The following GRIA1 variants were observed in gnomAD, a reference collection of about 807,000 sequenced individuals.
GRIA1 encodes the protein glutamate receptor 1.
Under a neutral mutation model 99.2 loss-of-function variants are expected in GRIA1, and 31 were observed. That is an observed-to-expected ratio of 0.31 (90% CI 0.23 to 0.42). The LOEUF is 0.42. GRIA1 is among the 10% of genes least tolerant of loss of function. GRIA1 has a pLI of 1.00. For synonymous variants in GRIA1, 438 were observed against 432.4 expected (o/e 1.01, Z -0.16); for missense variants, 782 against 1,157.5 (o/e 0.68, Z 4.71).
intron 5 of GRIA1, among the ~76,000 whole-genome samples, chr5:153,671,286 C>G (rs530387110): frequency 4.6e-5 from 7 of 152,290 alleles, no homozygotes; most frequent in African/African-American, 1.7e-4. Context: ...TGCCCAGGAC[C>G]TTGTTACAGA....
chr5:153,698,635 A>T (rs1758292269), intron 9 of GRIA1, among the ~76,000 whole-genome samples: 1 of 152,208 alleles, frequency 6.6e-6, no homozygotes, highest in Non-Finnish European at 1.5e-5. Context: ...ATAATTTGAA[A>T]AGCTGTATGC....
intron 11 of GRIA1, among the ~76,000 whole-genome samples, chr5:153,743,917 A>G (rs1481973433): frequency 6.6e-6 from 1 of 152,142 alleles, no homozygotes; most frequent in African/African-American, 2.4e-5. Context: ...TGGAGCACAG[A>G]GGTTAAGGTC....
intron 2 of GRIA1, among the ~76,000 whole-genome samples, chr5:153,601,213 A>G (rs568221212): frequency 2.0e-4 from 31 of 152,308 alleles, no homozygotes; most frequent in African/African-American, 6.3e-4. Context: ...TGTTATCCCC[A>G]TTTTACAAGC....
chr5:153,588,999 G>A (rs893850122), intron 2 of GRIA1, among the ~76,000 whole-genome samples: 3 of 151,942 alleles, frequency 2.0e-5, no homozygotes, highest in Non-Finnish European at 4.4e-5. Context: ...AAGAAATGAA[G>A]TAAAAGAAAG....
chr5:153,730,732 C>A (rs145263295), intron 11 of GRIA1, among the ~76,000 whole-genome samples: 1 of 152,046 alleles, frequency 6.6e-6, no homozygotes, highest in Non-Finnish European at 1.5e-5. Context: ...CGGTAGATAA[C>A]ACATTGTTGC....
At chr5:153,706,266 G>C in intron 11 of GRIA1, 199 bp downstream of exon 11, 1 of 602,052 alleles carries the variant, frequency 1.7e-6, no homozygotes, top group South Asian at 2.0e-5. Flanking sequence ...GGCCATCTCT[G>C]TCTGCTCTCT....
intron 5 of GRIA1, among the ~76,000 whole-genome samples, chr5:153,671,614 A>C (rs190472747): frequency 2.6e-4 from 40 of 152,278 alleles, no homozygotes; most frequent in African/African-American, 9.6e-4. Flanking sequence ...TTTCAACCTG[A>C]ATTTCTCTTT....
At chr5:153,585,551 C>T (rs1466204173) in intron 2 of GRIA1, among the ~76,000 whole-genome samples, 3 of 151,984 alleles carry the variant, frequency 2.0e-5, no homozygotes, top group South Asian at 2.1e-4. Flanking sequence ...TCAGGTGATC[C>T]GCCCTCCTCG....
At chr5:153,707,159 CTCAGATA>C (rs1377258926) in intron 11 of GRIA1, among the ~76,000 whole-genome samples, 1 of 151,898 alleles carries the variant, frequency 6.6e-6, no homozygotes, top group Non-Finnish European at 1.5e-5. Flanking sequence ...TCAGAGGTGC[CTCAGATA>C]TCACATTGAA....
intron 11 of GRIA1, among the ~76,000 whole-genome samples, chr5:153,707,180 A>G (rs561734587): frequency 4.4e-4 from 67 of 152,106 alleles, no homozygotes; most frequent in Non-Finnish European, 8.1e-4. Flanking sequence ...CATTGAAAGC[A>G]CACTCGGGTA....
chr5:153,701,426 AACAC>A (rs1307337229), intron 10 of GRIA1, among the ~76,000 whole-genome samples: 1 of 151,970 alleles, frequency 6.6e-6, no homozygotes, highest in Non-Finnish European at 1.5e-5. Flanking sequence ...CATCCTGGCT[AACAC>A]AGTGAAACCC....
Position 153,688,859 on chromosome 5 carries a change from A to G in GRIA1, c.1134+2530A>G, listed in dbSNP as rs776283424. ...CTCAGCCTCCCGAGTGGTTGGGATTATAGGTGCCCATCACCACACCTGGCT... is the reference window on the plus strand; with the variant it reads ...CTCAGCCTCCCGAGTGGTTGGGATTGTAGGTGCCCATCACCACACCTGGCT... On this transcript the variant is annotated intron_variant, in intron 8 of 15. Transcript: ENST00000285900. Among the ~76,000 whole-genome samples, 57 of 151,936 alleles carry G rather than the reference A, an allele frequency of 3.8e-4. 1 individual carries two copies. Among genetic ancestry groups the G allele is most frequent in the Non-Finnish European group, 8.1e-4 (55 of 67,986 alleles).
intron 2 of GRIA1, among the ~76,000 whole-genome samples, chr5:153,532,898 T>TGGCAA (rs1758214851): frequency 6.6e-6 from 1 of 152,216 alleles, no homozygotes; most frequent in Non-Finnish European, 1.5e-5. Flanking sequence ...CATAGGTGTA[T>TGGCAA]GGCAAGGACT....
At chr5:153,667,361 A>T (rs888782975) in intron 5 of GRIA1, among the ~76,000 whole-genome samples, 1 of 152,212 alleles carries the variant, frequency 6.6e-6, no homozygotes, top group Non-Finnish European at 1.5e-5. Flanking sequence ...AGAATCCCAG[A>T]GCAAAGGAAA....
chr5:153,534,178 T>G (rs1436540865), intron 2 of GRIA1, among the ~76,000 whole-genome samples: 2 of 152,242 alleles, frequency 1.3e-5, no homozygotes, highest in African/African-American at 4.8e-5. Flanking sequence ...ACTCCTTTTT[T>G]CTTTTTTCTG....
intron 2 of GRIA1, among the ~76,000 whole-genome samples, chr5:153,590,506 ATG>A (rs5872325): frequency 0.01 from 1,495 of 147,902 alleles, 22 homozygotes; most frequent in African/African-American, 0.033. Flanking sequence ...AGCTATTGAA[ATG>A]TGTGTGTGTG....
At position 153,650,314 on chromosome 5, in the gene GRIA1, C is replaced by A; in HGVS notation, c.461-16C>A. On this transcript the variant is annotated splice_polypyrimidine_tract_variant and intron_variant, in intron 3 of 15. Coordinates refer to ENST00000285900, the MANE Select transcript of GRIA1 (RefSeq NM_000827.4). Reference sequence around the variant, plus strand: ...CTGACTGTCTGTCATTTCTCTTCTACTCATCTGAACTTTAGGCTTATCCGT... The same window carrying A: ...CTGACTGTCTGTCATTTCTCTTCTAATCATCTGAACTTTAGGCTTATCCGT... 1 of 1,607,960 alleles carries A rather than the reference C, an allele frequency of 6.2e-7. No individual in the cohort carries two copies. Among genetic ancestry groups the A allele is most frequent in the Non-Finnish European group, 8.5e-7 (1 of 1,176,066 alleles).
chr5:153,607,205 A>G lies in GRIA1; in HGVS notation c.221-39723A>G, dbSNP rs1581318237. Reference sequence around the variant, plus strand: ...TATAATGACTTGTTTTCCTCTGGGTAGATTTATAATCTCACCTTCTATACT... The same window carrying G: ...TATAATGACTTGTTTTCCTCTGGGTGGATTTATAATCTCACCTTCTATACT... On this transcript the variant is annotated intron_variant, in intron 2 of 15. Coordinates refer to ENST00000285900, the MANE Select transcript of GRIA1 (RefSeq NM_000827.4). Among the ~76,000 whole-genome samples the G allele has an allele frequency of 5.3e-5, 8 of 151,740 alleles. 1 individual carries two copies. Among genetic ancestry groups the G allele is most frequent in the Admixed American group, 5.2e-4 (8 of 15,242 alleles).
intron 2 of GRIA1, among the ~76,000 whole-genome samples, chr5:153,618,770 T>A (rs1766753091): frequency 6.6e-6 from 1 of 152,206 alleles, no homozygotes; most frequent in South Asian, 2.1e-4. Context: ...TAGAAAGAAG[T>A]ATAAAATACA....
Sources: allele counts gnomAD v4.1 joint callset (sites outside exome capture counted in the v4.1 genomes callset), GRCh38; gene constraint gnomAD v4.1.1; transcripts MANE v1.5; gene names NCBI Gene and HGNC (gene_info 2026-07-23, HGNC 2026-07-21).